The following ASXL3 variants were observed in gnomAD, a reference collection of about 807,000 sequenced individuals.
ASXL3 encodes the protein ASXL transcriptional regulator 3, also known as putative Polycomb group protein ASXL3.
ASXL3 carries 34 observed loss-of-function variants against 170.6 expected under a neutral mutation model. The observed-to-expected ratio is 0.20, with a 90% CI of 0.15 to 0.27. The LOEUF is 0.27. Ranked by LOEUF, ASXL3 falls within the 10% of genes least tolerant of loss-of-function variation. ASXL3 has a pLI of 1.00. For synonymous variants in ASXL3, 1,002 were observed against 989.1 expected, an observed-to-expected ratio of 1.01 and a Z score of -0.24; for missense variants, 2,592 against 2,695.3, an observed-to-expected ratio of 0.96 and a Z score of 0.85.
intron 5 of ASXL3, among the ~76,000 whole-genome samples, chr18:33,662,597 G>C (rs2066191561): frequency 6.6e-6 from 1 of 152,124 alleles, no homozygotes; most frequent in Non-Finnish European, 1.5e-5. Flanking sequence ...GCCATCGTAT[G>C]ATGATAACAC....
chr18:33,693,524 G>A (rs866581058), intron 8 of ASXL3, among the ~76,000 whole-genome samples: 2 of 152,098 alleles, frequency 1.3e-5, no homozygotes, highest in Admixed American at 6.6e-5. Flanking sequence ...TCCCCTGGAT[G>A]GTAGTGTATG....
intron 2 of ASXL3, among the ~76,000 whole-genome samples, chr18:33,612,778 G>A (rs927237388): frequency 2.0e-5 from 3 of 151,998 alleles, no homozygotes; most frequent in South Asian, 2.1e-4. Context: ...CTTTCTTGCC[G>A]CTGCAATGTT....
intron 8 of ASXL3, among the ~76,000 whole-genome samples, chr18:33,711,424 T>G (rs1043858226): frequency 4.6e-5 from 7 of 152,238 alleles, no homozygotes; most frequent in African/African-American, 1.4e-4. Flanking sequence ...TCCAGAGTTT[T>G]ACAACATATA....
In ASXL3 at chr18:33,744,809, A is replaced by C; in HGVS notation, c.4961A>C (p.Glu1654Ala). The C allele has an allele frequency of 6.2e-7, 1 of 1,614,064 alleles. No individual in the cohort carries two copies. Among genetic ancestry groups the C allele is most frequent in the Non-Finnish European group, 8.5e-7 (1 of 1,179,910 alleles). ...TEHANYLNVS[E>A]LHPRNLVTNV... ...CATGCCAACTACTTGAACGTGTCAG[A>C]ACTTCATCCCAGGAATCTTGTAACA... The change falls in exon 12 of 12, where the codon GAA (glutamate) becomes GCA (alanine). Residue 1654 changes from glutamate to alanine, a missense_variant. Transcript: ENST00000269197.
chr18:33,605,506 G>A (rs148220282), intron 1 of ASXL3: 124 of 152,066 alleles, frequency 8.2e-4, no homozygotes, highest in African/African-American at 2.8e-3. Flanking sequence ...ACTTCATGAT[G>A]TAATTCTTGG....
chr18:33,647,703 A>G (rs1425070947), intron 4 of ASXL3, among the ~76,000 whole-genome samples: 2 of 152,074 alleles, frequency 1.3e-5, no homozygotes, highest in African/African-American at 4.8e-5. Context: ...TCATGTGCCA[A>G]GTACTATTCT....
intron 8 of ASXL3, among the ~76,000 whole-genome samples, chr18:33,715,669 G>A (rs188194660): frequency 6.6e-6 from 1 of 152,090 alleles, no homozygotes; most frequent in Admixed American, 6.6e-5. Context: ...TTTAGTTTTG[G>A]GAAGGATAAT....
At chr18:33,676,578 T>C (rs1406764428) in intron 7 of ASXL3, among the ~76,000 whole-genome samples, 1 of 152,212 alleles carries the variant, frequency 6.6e-6, no homozygotes, top group East Asian at 1.9e-4. Flanking sequence ...TGTTCTGATA[T>C]GCATAAAACA....
chr18:33,675,407 T>G (rs1036426165), intron 7 of ASXL3, among the ~76,000 whole-genome samples: 1 of 145,642 alleles, frequency 6.9e-6, no homozygotes, highest in Non-Finnish European at 1.5e-5. Flanking sequence ...GGAAATGAGG[T>G]TTTTTACTGT....
chr18:33,644,788 TA>T (rs2065894945), intron 2 of ASXL3, 105 bp from the exon 3 acceptor site: 3 of 625,898 alleles, frequency 4.8e-6, no homozygotes, highest in Non-Finnish European at 7.5e-6. Flanking sequence ...TTTTTTTAAT[TA>T]TTTTTTTATT....
chr18:33,623,529 A>G (rs940191995), intron 2 of ASXL3, among the ~76,000 whole-genome samples: 1 of 152,156 alleles, frequency 6.6e-6, no homozygotes, highest in Admixed American at 6.6e-5. Context: ...ATTTGCAAAA[A>G]CTTGAAAAAT....
intron 8 of ASXL3, among the ~76,000 whole-genome samples, chr18:33,702,354 C>A (rs977945161): frequency 6.6e-6 from 1 of 151,246 alleles, no homozygotes; most frequent in Non-Finnish European, 1.5e-5. Flanking sequence ...ATATATACTA[C>A]TCCTCTCTTC....
chr18:33,705,703 A>G (rs919851662), intron 8 of ASXL3, among the ~76,000 whole-genome samples: 110 of 152,034 alleles, frequency 7.2e-4, no homozygotes, highest in African/African-American at 2.3e-3. Context: ...TGAAGAAATT[A>G]TGGAAGGAAA....
intron 4 of ASXL3, 29 bp downstream of exon 4, chr18:33,646,382 C>A: frequency 6.7e-7 from 1 of 1,483,268 alleles, no homozygotes; most frequent in Non-Finnish European, 9.3e-7. Flanking sequence ...AAAATATAAT[C>A]CCTTGTTCTC....
intron 10 of ASXL3, among the ~76,000 whole-genome samples, chr18:33,738,049 A>G (rs1003674292): frequency 6.2e-4 from 94 of 151,430 alleles, no homozygotes; most frequent in African/African-American, 2.2e-3. Context: ...GTATCTCCTT[A>G]CTTTACAAAA....
In ASXL3 at chr18:33,592,356, A is replaced by G. The variant is rs960135200; in HGVS notation, c.54+13671A>G. 3.3e-5 allele frequency among the ~76,000 whole-genome samples: 5 copies of G among 152,342 alleles called. No individual in the cohort carries two copies. In the South Asian group the frequency reaches 1.0e-3, roughly 32 times the overall value. On this transcript the variant is annotated intron_variant, in intron 1 of 11. Coordinates refer to ENST00000269197, the MANE Select transcript of ASXL3 (RefSeq NM_030632.3). ...TACATGAGCAAGTAGATATTACCTC[A>G]TAAGCATTAGGTTGATGGACAGTTT... is the stretch of plus-strand genomic sequence containing the variant.
At chr18:33,666,804 T>G (rs2066263209) in intron 5 of ASXL3, among the ~76,000 whole-genome samples, 1 of 152,038 alleles carries the variant, frequency 6.6e-6, no homozygotes, top group African/African-American at 2.4e-5. Context: ...AACTCAAGAT[T>G]TGGGGTGTGT....
chr18:33,620,575 C>T (rs879879633), intron 2 of ASXL3, among the ~76,000 whole-genome samples: 15 of 152,066 alleles, frequency 9.9e-5, no homozygotes, highest in Non-Finnish European at 1.6e-4. Context: ...ATTGCTAAGA[C>T]GAGAATTATT....
chr18:33,615,862 A>C (rs2065414196), intron 2 of ASXL3, among the ~76,000 whole-genome samples: 1 of 152,140 alleles, frequency 6.6e-6, no homozygotes, highest in South Asian at 2.1e-4. Flanking sequence ...CATTTAGATA[A>C]AATTTTGAAT....
Sources: allele counts gnomAD v4.1 joint callset (sites outside exome capture counted in the v4.1 genomes callset), GRCh38; gene constraint gnomAD v4.1.1; transcripts MANE v1.5; gene names NCBI Gene and HGNC (gene_info 2026-07-23, HGNC 2026-07-21).